Variants in SHISA6 observed in about 807,000 individuals in gnomAD.
The protein encoded by SHISA6 is shisa family member 6, also known as protein shisa-6.
A neutral mutation model predicts 47.9 loss-of-function variants in SHISA6; 22 were observed. The observed-to-expected ratio is 0.46, with a 90% CI of 0.33 to 0.66. The LOEUF is 0.66. Ranked by LOEUF, SHISA6 falls within the 30% of genes least tolerant of loss-of-function variation. The probability of loss-of-function intolerance (pLI) is 0.02; values close to 1 mark genes in which losing one functional copy is unlikely to be tolerated. For synonymous variants in SHISA6, 388 were observed against 337.8 expected, an observed-to-expected ratio of 1.15 and a Z score of -1.63; for missense variants, 680 against 764.6, an observed-to-expected ratio of 0.89 and a Z score of 1.30.
At chr17:11,548,438 T>G (rs564416003) in intron 3 of SHISA6, among the ~76,000 whole-genome samples, 7 of 79,676 alleles carry the variant, frequency 8.8e-5, no homozygotes, top group Non-Finnish European at 1.5e-4. Context: ...GAATGCATAT[T>G]TCATATATAT....
At chr17:11,464,733 A>C (rs947616386) in intron 3 of SHISA6, among the ~76,000 whole-genome samples, 2 of 152,206 alleles carry the variant, frequency 1.3e-5, no homozygotes, top group African/African-American at 4.8e-5. Context: ...ACCGGAGGCC[A>C]GGAGTTCGAG....
At chr17:11,376,329 T>G (rs563785614) in intron 2 of SHISA6, among the ~76,000 whole-genome samples, 20 of 151,612 alleles carry the variant, frequency 1.3e-4, no homozygotes, top group African/African-American at 4.8e-4. Flanking sequence ...TTGTTTGTTT[T>G]TTTTTTTTTG....
chr17:11,468,743 TG>T (rs773682467), intron 3 of SHISA6, among the ~76,000 whole-genome samples: 38 of 152,102 alleles, frequency 2.5e-4, no homozygotes, highest in Non-Finnish European at 4.3e-4. Flanking sequence ...CTTTTGGGCC[TG>T]GCACAGTGGC....
chr17:11,408,260 A>T (rs1246327706), intron 3 of SHISA6, among the ~76,000 whole-genome samples: 1 of 152,212 alleles, frequency 6.6e-6, no homozygotes, highest in Non-Finnish European at 1.5e-5. Context: ...TAAAAGTAGT[A>T]TCAGTATCTC....
chr17:11,400,307 G>A (rs948383924), intron 3 of SHISA6, among the ~76,000 whole-genome samples: 5 of 152,184 alleles, frequency 3.3e-5, no homozygotes, highest in African/African-American at 1.2e-4. Context: ...CTCCTAAGGT[G>A]AGTCAGCATC....
intron 2 of SHISA6, among the ~76,000 whole-genome samples, chr17:11,352,946 G>A (rs1171824392): frequency 5.3e-5 from 8 of 152,086 alleles, no homozygotes; most frequent in Admixed American, 1.3e-4. Flanking sequence ...CACTTGATCC[G>A]CACTGCTCAT....
intron 3 of SHISA6, among the ~76,000 whole-genome samples, chr17:11,543,910 C>CAAAAAAAAAAA (rs200573876): frequency 3.1e-5 from 3 of 96,388 alleles, no homozygotes; most frequent in African/African-American, 7.0e-5. Flanking sequence ...TATTTATAAG[C>CAAAAAAAAAAA]AAAAAAAAAA....
At chr17:11,527,704 C>T (rs917281931) in intron 3 of SHISA6, among the ~76,000 whole-genome samples, 1 of 152,104 alleles carries the variant, frequency 6.6e-6, no homozygotes, top group South Asian at 2.1e-4. Flanking sequence ...TCACTTCACT[C>T]GTATATGTAT....
At chr17:11,383,893 A>G in intron 3 of SHISA6, among the ~76,000 whole-genome samples, 1 of 152,120 alleles carries the variant, frequency 6.6e-6, no homozygotes, top group East Asian at 1.9e-4. Flanking sequence ...TCAGCCCCCA[A>G]CACTGGAACC....
chr17:11,497,796 G>C (rs554042580), intron 3 of SHISA6, among the ~76,000 whole-genome samples: 1 of 151,814 alleles, frequency 6.6e-6, no homozygotes, highest in Non-Finnish European at 1.5e-5. Flanking sequence ...CGCATCCTAC[G>C]ACATCCATTC....
chr17:11,407,999 G>A (rs190314479), intron 3 of SHISA6, among the ~76,000 whole-genome samples: 32 of 152,176 alleles, frequency 2.1e-4, no homozygotes, highest in Non-Finnish European at 4.0e-4. Flanking sequence ...TTTCTTCCCC[G>A]ACACCATCAA....
intron 2 of SHISA6, among the ~76,000 whole-genome samples, chr17:11,311,496 A>G (rs537185344): frequency 6.6e-6 from 1 of 152,306 alleles, no homozygotes; most frequent in South Asian, 2.1e-4. Flanking sequence ...ATACTAGTCC[A>G]ATGAATTGGA....
At chr17:11,477,662 A>T (rs1916087964) in intron 3 of SHISA6, among the ~76,000 whole-genome samples, 1 of 144,016 alleles carries the variant, frequency 6.9e-6, no homozygotes. Flanking sequence ...GAGTGAGAAT[A>T]TGCGGTGTTT....
At chr17:11,402,208 T>C (rs1242201179) in intron 3 of SHISA6, among the ~76,000 whole-genome samples, 1 of 152,162 alleles carries the variant, frequency 6.6e-6, no homozygotes, top group Non-Finnish European at 1.5e-5. Flanking sequence ...TTCCTGGCCA[T>C]ACTTCAAATG....
intron 3 of SHISA6, among the ~76,000 whole-genome samples, chr17:11,460,286 T>C (rs1179759048): frequency 6.6e-6 from 1 of 152,186 alleles, no homozygotes; most frequent in Non-Finnish European, 1.5e-5. Flanking sequence ...GGCGCCGGGA[T>C]GGTCTCCCAG....
intron 3 of SHISA6, among the ~76,000 whole-genome samples, chr17:11,427,868 CATAA>C (rs1914647952): frequency 6.6e-6 from 1 of 152,110 alleles, no homozygotes; most frequent in African/African-American, 2.4e-5. Context: ...GGGGACAGCT[CATAA>C]ATAGAGTTGA....
At chr17:11,436,658 C>G (rs751705722) in intron 3 of SHISA6, among the ~76,000 whole-genome samples, 17 of 152,194 alleles carry the variant, frequency 1.1e-4, no homozygotes, top group Non-Finnish European at 2.4e-4. Context: ...ATGAACTTCA[C>G]TATATCTTCA....
chr17:11,452,467 G>T (rs2142306698), intron 3 of SHISA6, among the ~76,000 whole-genome samples: 1 of 152,242 alleles, frequency 6.6e-6, no homozygotes. Flanking sequence ...GCAGATAAAA[G>T]GAATTAGAGT....
At chr17:11,554,912 C>T (rs557003992) in intron 4 of SHISA6, among the ~76,000 whole-genome samples, 1 of 152,222 alleles carries the variant, frequency 6.6e-6, no homozygotes, top group East Asian at 1.9e-4. Context: ...ATCAGCCATC[C>T]TCTCATCTCC....
Sources: allele counts gnomAD v4.1 joint callset (sites outside exome capture counted in the v4.1 genomes callset), GRCh38; gene constraint gnomAD v4.1.1; transcripts MANE v1.5; gene names NCBI Gene and HGNC (gene_info 2026-07-23, HGNC 2026-07-21).